The following ATXN7L1 variants were observed in gnomAD, a reference collection of about 807,000 sequenced individuals.
The protein encoded by ATXN7L1 is ataxin 7 like 1, also known as ataxin-7-like protein 1.
A neutral mutation model predicts 70.8 loss-of-function variants in ATXN7L1; 15 were observed. The ratio of observed to expected loss-of-function variants is 0.21; its 90% CI spans 0.14 to 0.33. The LOEUF (loss-of-function observed/expected upper bound fraction) is 0.33, where lower values mean the gene tolerates loss of function less well. ATXN7L1 is among the 10% of genes least tolerant of loss of function. The probability of loss-of-function intolerance (pLI) is 1.00; values close to 1 mark genes in which losing one functional copy is unlikely to be tolerated. For synonymous variants in ATXN7L1, 440 were observed against 445.1 expected (o/e 0.99, Z 0.14); for missense variants, 975 against 1,097.1 (o/e 0.89, Z 1.57).
chr7:105,727,775 T>TATATATATATATATACAC lies in ATXN7L1; in HGVS notation c.355+60828_355+60829insGTGTATATATATATATAT, dbSNP rs1554442569. ...ATATATATATATATATATATATATA[T>TATATATATATATATACAC]ATACACACACATACACACATATATA... On this transcript the variant is annotated intron_variant, in intron 3 of 11. Coordinates refer to ENST00000419735, the MANE Select transcript of ATXN7L1 (RefSeq NM_020725.2). Among the ~76,000 whole-genome samples the TATATATATATATATACAC allele has an allele frequency of 3.5e-5, 4 of 115,460 alleles. No homozygotes were observed. In the Admixed American group the frequency reaches 3.5e-4, roughly 10 times the overall value. 75.7% of individuals were successfully genotyped at this position (115,460 alleles called of 152,430 possible).
intron 3 of ATXN7L1, among the ~76,000 whole-genome samples, chr7:105,742,426 C>A (rs1563056657): frequency 6.6e-6 from 1 of 152,218 alleles, no homozygotes. Context: ...GCCTTTTGTA[C>A]ATGAATCCAC....
chr7:105,628,143 T>C (rs1219525861), intron 7 of ATXN7L1, among the ~76,000 whole-genome samples: 1 of 152,108 alleles, frequency 6.6e-6, no homozygotes, highest in Non-Finnish European at 1.5e-5. Flanking sequence ...GTGCCCGGCC[T>C]GTCTTTACTT....
chr7:105,639,846 G>A (rs1797917408), intron 5 of ATXN7L1, among the ~76,000 whole-genome samples: 1 of 152,188 alleles, frequency 6.6e-6, no homozygotes, highest in Non-Finnish European at 1.5e-5. Flanking sequence ...GAATAGGGCG[G>A]GAGCAGGCAC....
At chr7:105,694,523 G>T (rs1369944278) in intron 3 of ATXN7L1, among the ~76,000 whole-genome samples, 1 of 152,208 alleles carries the variant, frequency 6.6e-6, no homozygotes, top group Non-Finnish European at 1.5e-5. Context: ...GGGAAACAGG[G>T]TTCAGAGAAA....
At chr7:105,834,443 G>A (rs1266851207) in intron 2 of ATXN7L1, among the ~76,000 whole-genome samples, 2 of 152,188 alleles carry the variant, frequency 1.3e-5, no homozygotes, top group Admixed American at 6.5e-5. Flanking sequence ...TTGGAACTAT[G>A]GGCCACCTTC....
chr7:105,682,938 T>C (rs1195427606), intron 3 of ATXN7L1, among the ~76,000 whole-genome samples: 1 of 152,250 alleles, frequency 6.6e-6, no homozygotes, highest in Non-Finnish European at 1.5e-5. Flanking sequence ...AGCTTTATGT[T>C]TTGTGAATTT....
chr7:105,738,467 T>G (rs541088170), intron 3 of ATXN7L1, among the ~76,000 whole-genome samples: 1 of 152,364 alleles, frequency 6.6e-6, no homozygotes, highest in African/African-American at 2.4e-5. Flanking sequence ...AGCACTCACA[T>G]ATACTTACCA....
intron 3 of ATXN7L1, among the ~76,000 whole-genome samples, chr7:105,742,807 C>T (rs892206334): frequency 2.0e-5 from 3 of 152,172 alleles, no homozygotes; most frequent in Admixed American, 6.5e-5. Context: ...GATGGCCAGC[C>T]ATTACCCCCA....
chr7:105,610,641 G>A (rs1437430502), intron 10 of ATXN7L1, 38 bp from the exon 11 acceptor site: 2 of 1,529,862 alleles, frequency 1.3e-6, no homozygotes, highest in East Asian at 2.4e-5. Flanking sequence ...AGACACACGA[G>A]CCAGCCTGGG....
Position 105,777,788 on chromosome 7 carries a change from C to T in ATXN7L1, c.355+10816G>A, listed in dbSNP as rs1403361345. ...TTATGCCTTTCCCTCACTCAATACC[C>T]CCCAGTGTCTTAGCACCACACGTAG... On this transcript the variant is annotated intron_variant, in intron 3 of 11. Transcript: ENST00000419735. 3.3e-5 allele frequency among the ~76,000 whole-genome samples: 5 copies of T among 152,324 alleles called. No homozygotes were observed. The East Asian group carries it at 9.7e-4, about 29-fold the overall frequency.
chr7:105,830,056 C>T (rs945877965), intron 2 of ATXN7L1, among the ~76,000 whole-genome samples: 5 of 152,244 alleles, frequency 3.3e-5, no homozygotes, highest in African/African-American at 9.6e-5. Context: ...TAGATGTTAC[C>T]CCATCCCCCG....
chr7:105,680,940 G>A (rs1181761018), intron 3 of ATXN7L1, among the ~76,000 whole-genome samples: 1 of 152,204 alleles, frequency 6.6e-6, no homozygotes, highest in African/African-American at 2.4e-5. Flanking sequence ...CCTGCCTCTT[G>A]CAGCCCTGCT....
chr7:105,719,244 C>T (rs1024652869), intron 3 of ATXN7L1, among the ~76,000 whole-genome samples: 2 of 152,170 alleles, frequency 1.3e-5, no homozygotes, highest in Non-Finnish European at 2.9e-5. Context: ...CTTCCAGTAA[C>T]AGCACCTTGA....
At chr7:105,656,576 C>CTCTTT (rs1800672855) in intron 4 of ATXN7L1, among the ~76,000 whole-genome samples, 1 of 139,928 alleles carries the variant, frequency 7.1e-6, no homozygotes, top group South Asian at 2.2e-4. Flanking sequence ...CTTCTTCTTC[C>CTCTTT]TTTTTTTTTT....
intron 7 of ATXN7L1, among the ~76,000 whole-genome samples, chr7:105,627,189 G>C (rs1421425969): frequency 6.6e-6 from 1 of 152,104 alleles, no homozygotes; most frequent in Non-Finnish European, 1.5e-5. Context: ...TACTAAGTGT[G>C]ATAACAGCAT....
rs1047275472 is a variant in ATXN7L1 at position 105,773,219 on chromosome 7, C to T, written c.355+15385G>A. Among the ~76,000 whole-genome samples the T allele has an allele frequency of 1.1e-4, 16 of 152,154 alleles. 1 individual carries two copies. The highest frequency in any genetic ancestry group is 3.9e-4 in the African/African-American group (16 of 41,428). Reference sequence around the variant, plus strand: ...GCAGGAAACTCCCAGACCATTGTAGCTTCATTATTTTCTATTTTGAACTAA... The same window carrying T: ...GCAGGAAACTCCCAGACCATTGTAGTTTCATTATTTTCTATTTTGAACTAA... On this transcript the variant is annotated intron_variant, in intron 3 of 11. Transcript: ENST00000419735.
chr7:105,698,844 C>A (rs1458070390), intron 3 of ATXN7L1, among the ~76,000 whole-genome samples: 1 of 152,156 alleles, frequency 6.6e-6, no homozygotes, highest in African/African-American at 2.4e-5. Context: ...CTAGCCAGAG[C>A]ATAGAAACTT....
Position 105,624,150 on chromosome 7 carries a change from T to A in ATXN7L1, c.1320A>T (p.Glu440Asp). 1 of 1,535,724 alleles carries A rather than the reference T, an allele frequency of 6.5e-7. No homozygotes were observed. The highest frequency in any genetic ancestry group is 8.8e-7 in the Non-Finnish European group (1 of 1,138,182). The change falls in exon 8 of 12, where the codon GAA (glutamate) becomes GAT (aspartate). Residue 440 changes from glutamate to aspartate, a missense_variant. Glu to Asp is a conservative substitution (Grantham distance 45). Transcript: ENST00000419735. ...GDLASRLSSD[E>D]GEMDGADESE... Reference sequence around the variant, plus strand: ...ATTCGTCGGCTCCGTCCATCTCCCCTTCATCACTGGACAGTCGGCTGGCGA... The same window carrying A: ...ATTCGTCGGCTCCGTCCATCTCCCCATCATCACTGGACAGTCGGCTGGCGA...
chr7:105,680,502 T>C (rs1008579212), intron 3 of ATXN7L1, among the ~76,000 whole-genome samples: 2 of 152,182 alleles, frequency 1.3e-5, no homozygotes, highest in Admixed American at 1.3e-4. Flanking sequence ...AAAGCAGAAC[T>C]AGTTTCCACA....
Sources: allele counts gnomAD v4.1 joint callset (sites outside exome capture counted in the v4.1 genomes callset), GRCh38; gene constraint gnomAD v4.1.1; transcripts MANE v1.5; gene names NCBI Gene and HGNC (gene_info 2026-07-23, HGNC 2026-07-21).